The following GRIA3 variants were observed in gnomAD, a reference collection of about 807,000 sequenced individuals.
GRIA3 encodes glutamate ionotropic receptor AMPA type subunit 3, also known as glutamate receptor 3.
GRIA3 carries 3 observed loss-of-function variants against 63.0 expected under a neutral mutation model. That is an observed-to-expected ratio of 0.05 (90% confidence interval 0.02 to 0.12). The LOEUF (loss-of-function observed/expected upper bound fraction) is 0.12, where lower values mean the gene tolerates loss of function less well. Ranked by LOEUF, GRIA3 falls within the 10% of genes least tolerant of loss-of-function variation. The pLI is 1.00. For synonymous variants in GRIA3, 274 were observed against 257.9 expected (o/e 1.06, Z -0.60); for missense variants, 347 against 700.9 (o/e 0.50, Z 5.70).
At chrX:123,234,462 C>A (rs2044292189) in intron 2 of GRIA3, among the ~76,000 whole-genome samples, 1 of 111,790 alleles carries the variant, frequency 8.9e-6, no homozygotes, top group East Asian at 2.8e-4. Flanking sequence ...AGTAGAGTGG[C>A]AAAGTGATAT....
At chrX:123,400,178 T>C (rs890327860) in intron 7 of GRIA3, among the ~76,000 whole-genome samples, 3 of 110,873 alleles carry the variant, frequency 2.7e-5, no homozygotes, top group South Asian at 3.8e-4. Flanking sequence ...AATAGAAAAC[T>C]GGCTATCAGA....
At chrX:123,266,911 T>C (rs897332180) in intron 3 of GRIA3, among the ~76,000 whole-genome samples, 4 of 110,408 alleles carry the variant, frequency 3.6e-5, no homozygotes, top group Non-Finnish European at 5.7e-5. Flanking sequence ...GTAAATGATA[T>C]ATCTTCGAAA....
chrX:123,251,986 G>A (rs1290166626), intron 2 of GRIA3, among the ~76,000 whole-genome samples: 1 of 112,019 alleles, frequency 8.9e-6, no homozygotes, highest in Non-Finnish European at 1.9e-5. Context: ...TCTCACAACA[G>A]GGTCAAGAAA....
intron 15 of GRIA3, among the ~76,000 whole-genome samples, chrX:123,483,821 A>T (rs1259631765): frequency 9.1e-6 from 1 of 110,435 alleles, no homozygotes; most frequent in African/African-American, 3.3e-5. Flanking sequence ...AGTCCCAGCT[A>T]CTCGGGAGGC....
chrX:123,320,381 G>A (rs756731450), intron 3 of GRIA3, among the ~76,000 whole-genome samples: 3 of 112,165 alleles, frequency 2.7e-5, no homozygotes, highest in East Asian at 5.6e-4. Flanking sequence ...TAAAATGTAC[G>A]TGTGTTCGCT....
At chrX:123,266,247 C>A (rs1026747299) in intron 3 of GRIA3, among the ~76,000 whole-genome samples, 29 of 112,182 alleles carry the variant, frequency 2.6e-4, no homozygotes, top group African/African-American at 9.0e-4. Context: ...GAGGCCCCAA[C>A]CTCTCTTTCC....
chrX:123,419,170 G>A (rs371142156), intron 11 of GRIA3, among the ~76,000 whole-genome samples: 8 of 111,867 alleles, frequency 7.2e-5, no homozygotes, highest in African/African-American at 2.6e-4. Context: ...CACTTTGGGA[G>A]GCCAAGGCAG....
chrX:123,455,953 A>C (rs749959706), intron 12 of GRIA3, among the ~76,000 whole-genome samples: 6 of 111,634 alleles, frequency 5.4e-5, no homozygotes, highest in African/African-American at 1.9e-4. Context: ...AGACTCTTCA[A>C]GGTGGAGTTC....
chrX:123,301,617 G>A (rs2044723787), intron 3 of GRIA3, among the ~76,000 whole-genome samples: 3 of 111,778 alleles, frequency 2.7e-5, no homozygotes, highest in Non-Finnish European at 5.7e-5. Context: ...TATATGTGGA[G>A]AAACTGATGC....
chrX:123,362,421 A>G (rs746733689), intron 5 of GRIA3, among the ~76,000 whole-genome samples: 1 of 111,561 alleles, frequency 9.0e-6, no homozygotes, highest in Non-Finnish European at 1.9e-5. Flanking sequence ...CAGCTACATG[A>G]CGAAACAGGG....
At chrX:123,398,848 A>T in intron 7 of GRIA3, 45 bp downstream of exon 7, 1 of 1,074,901 alleles carries the variant, frequency 9.3e-7, no homozygotes. Context: ...ACTTATAAAG[A>T]CATAAAAAAG....
chrX:123,371,897 C>A (rs1050364908), intron 5 of GRIA3, among the ~76,000 whole-genome samples: 8 of 110,886 alleles, frequency 7.2e-5, no homozygotes, highest in Non-Finnish European at 1.5e-4. Flanking sequence ...CCCATTTGTC[C>A]ATTTTTGCTT....
intron 3 of GRIA3, among the ~76,000 whole-genome samples, chrX:123,308,627 C>A (rs1486474214): frequency 9.0e-6 from 1 of 111,386 alleles, no homozygotes; most frequent in Non-Finnish European, 1.9e-5. Context: ...CAAATGTGAA[C>A]CTTAGTGTAG....
intron 3 of GRIA3, among the ~76,000 whole-genome samples, chrX:123,278,918 G>T (rs756756615): frequency 9.0e-6 from 1 of 111,135 alleles, no homozygotes; most frequent in South Asian, 3.8e-4. Flanking sequence ...GGCCTTTTGT[G>T]GTTCCATATA....
At chrX:123,197,869 T>C (rs1927616551) in intron 2 of GRIA3, among the ~76,000 whole-genome samples, 1 of 112,188 alleles carries the variant, frequency 8.9e-6, no homozygotes. Context: ...ATAGTAATAG[T>C]TCTTACCTCA....
At chrX:123,289,034 G>A (rs771119274) in intron 3 of GRIA3, among the ~76,000 whole-genome samples, 1 of 112,011 alleles carries the variant, frequency 8.9e-6, no homozygotes, top group African/African-American at 3.2e-5. Flanking sequence ...GCCCATCAAT[G>A]ATAGACTGGA....
At chrX:123,452,168 G>A (rs747790492) in intron 12 of GRIA3, among the ~76,000 whole-genome samples, 3 of 111,338 alleles carry the variant, frequency 2.7e-5, no homozygotes, top group Non-Finnish European at 5.7e-5. Context: ...TAAACACATC[G>A]TTGAATATTA....
At chrX:123,276,323 A>C (rs1257289261) in intron 3 of GRIA3, among the ~76,000 whole-genome samples, 3 of 111,517 alleles carry the variant, frequency 2.7e-5, no homozygotes, top group African/African-American at 6.5e-5. Flanking sequence ...TACTTTTTCC[A>C]TCCTTTCCAT....
chrX:123,453,745 T>C (rs992908878), intron 12 of GRIA3, among the ~76,000 whole-genome samples: 7 of 110,507 alleles, frequency 6.3e-5, no homozygotes, highest in Non-Finnish European at 1.3e-4. Flanking sequence ...TTTTGTATAT[T>C]GTTCATCATT....
Sources: gnomAD v4.1 joint callset for allele counts (sites outside exome capture counted in the v4.1 genomes callset) on GRCh38, gnomAD v4.1.1 for gene constraint, MANE v1.5 for transcripts, NCBI Gene and HGNC (gene_info 2026-07-23, HGNC 2026-07-21) for gene names.